The following CRACR2A variants were observed in gnomAD, a reference collection of about 807,000 sequenced individuals.
The protein encoded by CRACR2A is EF-hand calcium-binding domain-containing protein 4B.
In CRACR2A, 79 loss-of-function variants were observed where a neutral mutation model predicts 90.5. That is an observed-to-expected ratio of 0.87 (90% CI 0.73 to 1.05). The LOEUF (loss-of-function observed/expected upper bound fraction) is 1.05. CRACR2A is among the 50% of genes least tolerant of loss of function. The pLI, the probability that CRACR2A is intolerant of heterozygous loss-of-function variation, is 0.00. For synonymous variants in CRACR2A, 338 were observed against 356.7 expected (o/e 0.95, Z 0.59); for missense variants, 823 against 897.2 (o/e 0.92, Z 1.06).
chr12:3,700,270 A>AT (rs1591697711), intron 3 of CRACR2A, among the ~76,000 whole-genome samples: 1 of 151,970 alleles, frequency 6.6e-6, no homozygotes, highest in Admixed American at 6.6e-5. Context: ...TCTGCCTTAA[A>AT]TTTTTTTTGT....
At chr12:3,710,579 G>T (rs966984009) in intron 3 of CRACR2A, among the ~76,000 whole-genome samples, 1 of 152,032 alleles carries the variant, frequency 6.6e-6, no homozygotes, top group Non-Finnish European at 1.5e-5. Flanking sequence ...TGGATCACAA[G>T]GTCAAGAGAT....
chr12:3,620,618 A>G (rs978377614), intron 17 of CRACR2A, among the ~76,000 whole-genome samples: 2 of 152,240 alleles, frequency 1.3e-5, no homozygotes, highest in African/African-American at 2.4e-5. Context: ...ATTCAACACC[A>G]TAAGCACTGA....
intron 4 of CRACR2A, among the ~76,000 whole-genome samples, chr12:3,696,219 T>C (rs1945737540): frequency 1.3e-5 from 2 of 152,250 alleles, no homozygotes; most frequent in Non-Finnish European, 1.5e-5. Flanking sequence ...ATTTATTCTC[T>C]GGACCTTTAT....
At chr12:3,642,165 A>G (rs1944585014) in intron 12 of CRACR2A, among the ~76,000 whole-genome samples, 1 of 152,174 alleles carries the variant, frequency 6.6e-6, no homozygotes, top group Non-Finnish European at 1.5e-5. Context: ...TTTTCTATAC[A>G]TATTTCTAAT....
chr12:3,652,823 A>T (rs1944818011), intron 10 of CRACR2A, among the ~76,000 whole-genome samples: 1 of 152,188 alleles, frequency 6.6e-6, no homozygotes, highest in Non-Finnish European at 1.5e-5. Flanking sequence ...GCGTGAGTAA[A>T]TGATAGCAAG....
chr12:3,746,682 C>T lies in CRACR2A; in HGVS notation c.-387+6333G>A, dbSNP rs1565511826. 2.6e-5 allele frequency among the ~76,000 whole-genome samples: 4 copies of T among 152,226 alleles called. No homozygotes were observed. Among genetic ancestry groups the T allele is most frequent in the Admixed American group, 2.6e-4 (4 of 15,290 alleles). The stretch of plus-strand genomic sequence containing the variant: ...CCCCTCTCTTCTTAGACCAGACCCC[C>T]TGCAGGACCCTTTGCTGGCACAGCA... On this transcript the variant is annotated intron_variant, in intron 1 of 19. Coordinates refer to ENST00000440314, the MANE Select transcript of CRACR2A (RefSeq NM_001144958.2). This position sits in a 1 kb window ranked among gnomAD's most constrained non-coding sequence, Gnocchi z 4.4.
At chr12:3,748,427 G>A (rs1298382627) in intron 1 of CRACR2A, among the ~76,000 whole-genome samples, 1 of 152,198 alleles carries the variant, frequency 6.6e-6, no homozygotes, top group Non-Finnish European at 1.5e-5. Context: ...AAACAGACAA[G>A]GGAAGAAAGT....
intron 3 of CRACR2A, among the ~76,000 whole-genome samples, chr12:3,698,919 TC>T (rs969172231): frequency 3.9e-5 from 6 of 152,168 alleles, no homozygotes; most frequent in African/African-American, 1.4e-4. Flanking sequence ...CGGGACTCTG[TC>T]TGCAAGGTCT....
intron 7 of CRACR2A, among the ~76,000 whole-genome samples, chr12:3,668,976 C>A (rs1945194543): frequency 1.3e-5 from 2 of 152,222 alleles, no homozygotes; most frequent in Non-Finnish European, 2.9e-5. Flanking sequence ...AGGCAACAAC[C>A]AATGATGCCA....
chr12:3,672,939 C>T lies in CRACR2A; in HGVS notation c.671+507G>A, dbSNP rs138429018. On this transcript the variant is annotated intron_variant, in intron 7 of 19. Coordinates refer to ENST00000440314, the MANE Select transcript of CRACR2A (RefSeq NM_001144958.2). ...GGGCTATAGGTCACCTTACCAAACA[C>T]GCCACCTCTGCAAAGTGGGCTGATC... 8 of 299,654 alleles carry T rather than the reference C, an allele frequency of 2.7e-5. No individual in the cohort carries two copies. In the East Asian group the frequency reaches 6.9e-4, roughly 26 times the overall value. 18.6% of individuals were successfully genotyped at this position (299,654 alleles called of 1,614,324 possible). A position where few individuals can be genotyped will look rare whatever the true frequency, so the allele number is the denominator to read the frequency against.
intron 1 of CRACR2A, among the ~76,000 whole-genome samples, chr12:3,749,599 CA>C (rs1254906663): frequency 6.6e-6 from 1 of 152,158 alleles, no homozygotes; most frequent in Non-Finnish European, 1.5e-5. Flanking sequence ...CTGGTGCACA[CA>C]GGTACCGTCT....
intron 11 of CRACR2A, 86 bp from the exon 12 acceptor site, chr12:3,644,726 G>T: frequency 8.3e-7 from 1 of 1,211,356 alleles, no homozygotes; most frequent in Non-Finnish European, 1.2e-6. Flanking sequence ...TCAGATGGGT[G>T]CAGGGGAAGG....
intron 11 of CRACR2A, among the ~76,000 whole-genome samples, chr12:3,645,209 G>A (rs1324305742): frequency 6.6e-6 from 1 of 152,212 alleles, no homozygotes; most frequent in Non-Finnish European, 1.5e-5. Context: ...AGAGTGTGGA[G>A]TAGTATTTCA....
intron 3 of CRACR2A, among the ~76,000 whole-genome samples, chr12:3,712,072 G>T (rs1946013120): frequency 6.6e-6 from 1 of 152,100 alleles, no homozygotes; most frequent in Non-Finnish European, 1.5e-5. Flanking sequence ...CAAACCCCTA[G>T]TCTTCATTCC....
intron 4 of CRACR2A, among the ~76,000 whole-genome samples, chr12:3,685,320 TG>T (rs778173179): frequency 1.2e-4 from 19 of 152,250 alleles, no homozygotes; most frequent in Non-Finnish European, 2.4e-4. Context: ...TAAAATGGTA[TG>T]GTGTCTCCTC....
chr12:3,721,869 G>C (rs916658766), intron 2 of CRACR2A, among the ~76,000 whole-genome samples: 3 of 152,182 alleles, frequency 2.0e-5, no homozygotes. Context: ...GGGGAAGGGA[G>C]ATGGAAGACG....
At chr12:3,661,068 A>G (rs1417175577) in intron 7 of CRACR2A, among the ~76,000 whole-genome samples, 1 of 152,116 alleles carries the variant, frequency 6.6e-6, no homozygotes, top group Non-Finnish European at 1.5e-5. Flanking sequence ...CATCATTTTA[A>G]CCCCTAACTC....
At chr12:3,654,184 C>A (rs1158500880) in intron 10 of CRACR2A, 28 bp downstream of exon 10, 14 of 1,605,040 alleles carry the variant, frequency 8.7e-6, no homozygotes, top group Non-Finnish European at 1.2e-5. Context: ...GGGAAGACAG[C>A]AGAGGAGTGG....
At chr12:3,619,176 T>G in intron 18 of CRACR2A, 95 bp downstream of exon 18, 1 of 978,884 alleles carries the variant, frequency 1.0e-6, no homozygotes, top group Non-Finnish European at 1.5e-6. Context: ...CCCATGGCAC[T>G]TCCAGAGAAA....
Sources: allele counts gnomAD v4.1 joint callset (sites outside exome capture counted in the v4.1 genomes callset), GRCh38; gene constraint gnomAD v4.1.1; non-coding constraint Gnocchi (gnomAD v3.1); transcripts MANE v1.5; gene names NCBI Gene and HGNC (gene_info 2026-07-23, HGNC 2026-07-21).